The following VMP1 variants were observed in gnomAD, a reference collection of about 807,000 sequenced individuals.
VMP1 encodes vacuole membrane protein 1, also known as ectopic P-granules autophagy protein 3 homolog.
In VMP1, 11 loss-of-function variants were observed where a neutral mutation model predicts 56.0. The ratio of observed to expected loss-of-function variants is 0.20; its 90% CI spans 0.12 to 0.32. VMP1 has a LOEUF of 0.32. VMP1 is among the 10% of genes least tolerant of loss of function. The pLI is 1.00. For missense variants in VMP1, 296 were observed against 490.3 expected (o/e 0.60, Z 3.74); for synonymous variants, 149 against 165.0 (o/e 0.90, Z 0.74).
intron 7 of VMP1, among the ~76,000 whole-genome samples, chr17:59,795,902 TATC>T (rs2037423663): frequency 6.6e-6 from 1 of 152,172 alleles, no homozygotes; most frequent in Admixed American, 6.5e-5. Context: ...TAGACATTAT[TATC>T]ATCATTTTAC....
At position 59,745,134 on chromosome 17, in the gene VMP1, G is replaced by T. The variant is rs930490617; in HGVS notation, c.414+6187G>T. ...TGCATCCCTACCTTACTGAACTCCA[G>T]CCATATTATTTGCTTTGACCAATGA... On this transcript the variant is annotated intron_variant, in intron 5 of 11. Coordinates refer to ENST00000262291, the MANE Select transcript of VMP1 (RefSeq NM_030938.5). Among the ~76,000 whole-genome samples the T allele has an allele frequency of 2.4e-4, 37 of 152,270 alleles. 1 individual carries two copies. Among genetic ancestry groups the T allele is most frequent in the African/African-American group, 8.7e-4 (36 of 41,548 alleles).
At chr17:59,736,795 C>A (rs956536149) in intron 3 of VMP1, among the ~76,000 whole-genome samples, 5 of 151,420 alleles carry the variant, frequency 3.3e-5, no homozygotes, top group Admixed American at 2.6e-4. Context: ...GTAATCCCAG[C>A]ACTTTGAGGG....
chr17:59,721,531 A>G (rs931914849), intron 1 of VMP1, among the ~76,000 whole-genome samples: 7 of 152,194 alleles, frequency 4.6e-5, no homozygotes, highest in Non-Finnish European at 8.8e-5. Context: ...ATGCTAGATT[A>G]GTCACTGTTG....
chr17:59,710,966 A>G (rs1227957388), intron 1 of VMP1, among the ~76,000 whole-genome samples: 2 of 152,010 alleles, frequency 1.3e-5, no homozygotes, highest in Non-Finnish European at 2.9e-5. Flanking sequence ...CCAGCTACTC[A>G]GGAGGCTGAG....
intron 11 of VMP1, chr17:59,838,868 C>T (rs969729797): frequency 1.3e-5 from 2 of 153,058 alleles, no homozygotes; most frequent in Non-Finnish European, 2.9e-5. Context: ...CTTAGACTGT[C>T]TTTTCTGTAA....
intron 6 of VMP1, among the ~76,000 whole-genome samples, chr17:59,773,057 G>T (rs2036492508): frequency 7.1e-6 from 1 of 141,498 alleles, no homozygotes. Flanking sequence ...CGCCTCCCAG[G>T]TTCAAGCAAT....
intron 5 of VMP1, among the ~76,000 whole-genome samples, chr17:59,743,558 T>C (rs1486620704): frequency 6.7e-6 from 1 of 149,682 alleles, no homozygotes; most frequent in East Asian, 1.9e-4. Context: ...TTTAAAAAAC[T>C]GCTCTCTCTC....
chr17:59,742,923 C>T (rs992639624), intron 5 of VMP1, among the ~76,000 whole-genome samples: 10 of 152,096 alleles, frequency 6.6e-5, no homozygotes, highest in Non-Finnish European at 1.3e-4. Context: ...ACAGTTTCAT[C>T]CCAAAACCAT....
At chr17:59,774,639 G>A (rs2036553071) in intron 7 of VMP1, among the ~76,000 whole-genome samples, 1 of 152,040 alleles carries the variant, frequency 6.6e-6, no homozygotes, top group African/African-American at 2.4e-5. Context: ...AGTAATAGTA[G>A]AACTTTTTCT....
intron 10 of VMP1, among the ~76,000 whole-genome samples, chr17:59,833,689 G>A (rs920088441): frequency 1.3e-5 from 2 of 152,128 alleles, no homozygotes; most frequent in Non-Finnish European, 2.9e-5. Context: ...CAGCTAAAAT[G>A]TATCTATCAG....
intron 5 of VMP1, among the ~76,000 whole-genome samples, chr17:59,739,512 C>T (rs1204670313): frequency 2.0e-5 from 3 of 151,702 alleles, no homozygotes; most frequent in African/African-American, 7.3e-5. Context: ...ATCATGAGGT[C>T]TGGAGATCGA....
intron 1 of VMP1, among the ~76,000 whole-genome samples, chr17:59,715,600 CA>C (rs2034122213): frequency 6.6e-6 from 1 of 152,164 alleles, no homozygotes; most frequent in African/African-American, 2.4e-5. Flanking sequence ...CAAACCGTTT[CA>C]GGGGAAATTG....
At chr17:59,818,062 G>T (rs1394849554) in intron 10 of VMP1, among the ~76,000 whole-genome samples, 1 of 152,068 alleles carries the variant, frequency 6.6e-6, no homozygotes, top group Non-Finnish European at 1.5e-5. Context: ...AAAGAAATAA[G>T]AAATTGTCTT....
intron 2 of VMP1, among the ~76,000 whole-genome samples, chr17:59,734,942 C>G (rs1361218899): frequency 1.2e-5 from 1 of 84,064 alleles, no homozygotes; most frequent in Non-Finnish European, 2.2e-5. Flanking sequence ...GAGTCTCTTT[C>G]ATTCTGTTAT....
chr17:59,784,519 CTATT>C (rs1159559512), intron 7 of VMP1, among the ~76,000 whole-genome samples: 1 of 152,112 alleles, frequency 6.6e-6, no homozygotes, highest in Non-Finnish European at 1.5e-5. Context: ...TCTTTTAAAA[CTATT>C]TATAGACTTT....
intron 9 of VMP1, among the ~76,000 whole-genome samples, chr17:59,813,368 G>A (rs1006510061): frequency 5.3e-5 from 8 of 151,902 alleles, no homozygotes; most frequent in Admixed American, 2.6e-4. Flanking sequence ...ACCTGAGGTC[G>A]GAAGTTCCAG....
In VMP1 at chr17:59,764,962, G is replaced by A; in HGVS notation, c.415-9G>A. 6.5e-7 allele frequency: 1 copy of A among 1,549,638 alleles called. No homozygotes were observed. Among genetic ancestry groups the A allele is most frequent in the Non-Finnish European group, 8.7e-7 (1 of 1,150,210 alleles). The stretch of plus-strand genomic sequence containing the variant: ...TTCTTATCAGAAGTTTCTTGTATTT[G>A]TTTTATAGGGTCCACATATAGCCTC... On this transcript the variant is annotated splice_polypyrimidine_tract_variant and intron_variant, in intron 5 of 11. Coordinates refer to ENST00000262291, the MANE Select transcript of VMP1 (RefSeq NM_030938.5).
chr17:59,758,135 C>A (rs968335152), intron 5 of VMP1, among the ~76,000 whole-genome samples: 1 of 152,032 alleles, frequency 6.6e-6, no homozygotes, highest in Non-Finnish European at 1.5e-5. Context: ...AGCCACCCTG[C>A]CTTGCCTATT....
chr17:59,827,775 C>G (rs1274834203), intron 10 of VMP1, among the ~76,000 whole-genome samples: 1 of 151,518 alleles, frequency 6.6e-6, no homozygotes, highest in Non-Finnish European at 1.5e-5. Context: ...CATGGTGAGA[C>G]CCCATCTCTT....
Sources: allele counts gnomAD v4.1 joint callset (sites outside exome capture counted in the v4.1 genomes callset), GRCh38; gene constraint gnomAD v4.1.1; transcripts MANE v1.5; gene names NCBI Gene and HGNC (gene_info 2026-07-23, HGNC 2026-07-21).